The following PPP2R5E variants were observed in gnomAD, a reference collection of about 807,000 sequenced individuals.
The protein encoded by PPP2R5E is serine/threonine-protein phosphatase 2A 56 kDa regulatory subunit epsilon isoform.
A neutral mutation model predicts 65.3 loss-of-function variants in PPP2R5E; 4 were observed. The ratio of observed to expected loss-of-function variants is 0.06; its 90% CI spans 0.03 to 0.14. The LOEUF is 0.14. Among genes scored for constraint, PPP2R5E ranks in the 10% least tolerant of loss-of-function variants. The pLI, the probability that PPP2R5E is intolerant of heterozygous loss-of-function variation, is 1.00. For synonymous variants in PPP2R5E, 183 were observed against 187.4 expected, an observed-to-expected ratio of 0.98 and a Z score of 0.19; for missense variants, 274 against 556.1, an observed-to-expected ratio of 0.49 and a Z score of 5.10.
intron 2 of PPP2R5E, among the ~76,000 whole-genome samples, chr14:63,484,377 A>C (rs565599993): frequency 6.6e-6 from 1 of 151,808 alleles, no homozygotes; most frequent in Non-Finnish European, 1.5e-5. Flanking sequence ...ACACACACAC[A>C]CACACACACA....
At chr14:63,394,234 C>T (rs890557960) in intron 7 of PPP2R5E, among the ~76,000 whole-genome samples, 1 of 152,014 alleles carries the variant, frequency 6.6e-6, no homozygotes, top group Non-Finnish European at 1.5e-5. Context: ...AGGCACCCAC[C>T]ACCATGCCTG....
At chr14:63,504,838 T>C (rs1892080931) in intron 2 of PPP2R5E, among the ~76,000 whole-genome samples, 1 of 152,210 alleles carries the variant, frequency 6.6e-6, no homozygotes, top group African/African-American at 2.4e-5. Flanking sequence ...TTGGTCATCT[T>C]TGTCACTCCA....
chr14:63,417,017 A>G (rs117437957), intron 4 of PPP2R5E, among the ~76,000 whole-genome samples: 1 of 152,352 alleles, frequency 6.6e-6, no homozygotes, highest in Non-Finnish European at 1.5e-5. Flanking sequence ...CTTAAAGATT[A>G]GTTGCAACAC....
chr14:63,416,567 A>T lies in PPP2R5E; in HGVS notation c.457-1335T>A, dbSNP rs115912637. On this transcript the variant is annotated intron_variant, in intron 4 of 13. Coordinates refer to ENST00000337537, the MANE Select transcript of PPP2R5E (RefSeq NM_006246.5). ...ACTCCTTTACACTTAAAAATTAACA[A>T]GGACCCCAAAGCTTTTGTTTATATG... Among the ~76,000 whole-genome samples the T allele has an allele frequency of 8.3e-3, 1,264 of 152,148 alleles. 17 individuals carry two copies. The highest frequency in any genetic ancestry group is 0.026 in the African/African-American group (1,095 of 41,538).
chr14:63,411,525 T>C (rs1359311133), intron 5 of PPP2R5E, among the ~76,000 whole-genome samples: 1 of 151,884 alleles, frequency 6.6e-6, no homozygotes, highest in Non-Finnish European at 1.5e-5. Flanking sequence ...ATCCCCAGTG[T>C]TGGAGGTGGG....
intron 2 of PPP2R5E, among the ~76,000 whole-genome samples, chr14:63,501,135 C>T (rs1028616565): frequency 2.0e-5 from 3 of 152,108 alleles, no homozygotes; most frequent in Non-Finnish European, 2.9e-5. Flanking sequence ...CGCAGTGGCT[C>T]ATGCCTGTAA....
At chr14:63,514,111 C>G (rs1892567975) in intron 2 of PPP2R5E, among the ~76,000 whole-genome samples, 1 of 152,202 alleles carries the variant, frequency 6.6e-6, no homozygotes, top group African/African-American at 2.4e-5. Flanking sequence ...ATTGTCAAGA[C>G]TGCACCAAAA....
chr14:63,465,049 A>G (rs139130155), intron 2 of PPP2R5E, among the ~76,000 whole-genome samples: 4 of 151,856 alleles, frequency 2.6e-5, no homozygotes, highest in African/African-American at 4.8e-5. Context: ...AAAAAAGACA[A>G]GAAAAGAAAA....
At chr14:63,497,240 C>T (rs1891615162) in intron 2 of PPP2R5E, among the ~76,000 whole-genome samples, 1 of 151,964 alleles carries the variant, frequency 6.6e-6, no homozygotes, top group African/African-American at 2.4e-5. Context: ...ATTTCCTTTC[C>T]CTTCAAAAAA....
chr14:63,453,764 A>T lies in PPP2R5E; in HGVS notation c.279T>A (p.Leu93=). The change falls in exon 3 of 14, where the codon CTT becomes CTA. Residue 93 remains leucine, a synonymous_variant. Coordinates refer to ENST00000337537, the MANE Select transcript of PPP2R5E (RefSeq NM_006246.5). The part of the protein sequence containing the change: ...LKMKEYKRST[L]NELVDYITIS... ...TTGTAATGTAGTCCACCAGTTCATT[A>T]AGAGTGGAGCGCTTGTATTCTTTCA... 4.3e-6 allele frequency: 7 copies of T among 1,613,422 alleles called. No individual in the cohort carries two copies. The highest frequency in any genetic ancestry group is 5.9e-6 in the Non-Finnish European group (7 of 1,179,844).
At chr14:63,497,656 G>A (rs985117350) in intron 2 of PPP2R5E, among the ~76,000 whole-genome samples, 2 of 152,116 alleles carry the variant, frequency 1.3e-5, no homozygotes, top group African/African-American at 2.4e-5. Flanking sequence ...GCTGAGGCAG[G>A]AGAATCGCTT....
intron 2 of PPP2R5E, among the ~76,000 whole-genome samples, chr14:63,515,553 CAG>C (rs1892637810): frequency 6.7e-6 from 1 of 149,728 alleles, no homozygotes; most frequent in African/African-American, 2.5e-5. Context: ...TTTTTTGAGT[CAG>C]AGTCTCACTC....
chr14:63,420,456 A>G (rs1886942010), intron 4 of PPP2R5E, among the ~76,000 whole-genome samples: 1 of 152,140 alleles, frequency 6.6e-6, no homozygotes, highest in Admixed American at 6.5e-5. Context: ...TTAAAAAAAA[A>G]ATCAAACATC....
chr14:63,500,859 C>T (rs573035955), intron 2 of PPP2R5E, among the ~76,000 whole-genome samples: 3 of 151,040 alleles, frequency 2.0e-5, no homozygotes, highest in South Asian at 2.1e-4. Context: ...AGAGTGAGAC[C>T]GCATCTCTAA....
At chr14:63,390,707 T>G (rs1004243520) in intron 10 of PPP2R5E, among the ~76,000 whole-genome samples, 1 of 152,194 alleles carries the variant, frequency 6.6e-6, no homozygotes. Flanking sequence ...CTGCTAAAAG[T>G]AAAATATAGT....
intron 2 of PPP2R5E, among the ~76,000 whole-genome samples, chr14:63,482,373 T>G (rs1890751137): frequency 6.6e-6 from 1 of 152,162 alleles, no homozygotes; most frequent in African/African-American, 2.4e-5. Flanking sequence ...GCACAAGAAT[T>G]GCTTGAACCC....
intron 2 of PPP2R5E, among the ~76,000 whole-genome samples, chr14:63,469,733 T>C (rs1016683299): frequency 3.3e-5 from 5 of 152,132 alleles, no homozygotes; most frequent in African/African-American, 1.2e-4. Context: ...ATGGACCAAG[T>C]TGAGAGACAG....
chr14:63,506,306 C>A (rs950605180), intron 2 of PPP2R5E, among the ~76,000 whole-genome samples: 3 of 151,966 alleles, frequency 2.0e-5, no homozygotes, highest in Non-Finnish European at 4.4e-5. Flanking sequence ...AAAAAATTAG[C>A]CGGGCATGGT....
intron 2 of PPP2R5E, among the ~76,000 whole-genome samples, chr14:63,512,171 A>C (rs1892490213): frequency 6.6e-6 from 1 of 151,794 alleles, no homozygotes; most frequent in Non-Finnish European, 1.5e-5. Context: ...TGTCCCACAC[A>C]CCATTTTTGA....
Sources: gnomAD v4.1 joint callset for allele counts (sites outside exome capture counted in the v4.1 genomes callset) on GRCh38, gnomAD v4.1.1 for gene constraint, MANE v1.5 for transcripts, NCBI Gene and HGNC (gene_info 2026-07-23, HGNC 2026-07-21) for gene names.